Variants in CHM observed in about 807,000 individuals in gnomAD.
CHM encodes the protein CHM Rab escort protein, also known as rab proteins geranylgeranyltransferase component A 1.
CHM carries 10 observed loss-of-function variants against 49.0 expected under a neutral mutation model. The ratio of observed to expected loss-of-function variants is 0.20; its 90% CI spans 0.13 to 0.35. The LOEUF (loss-of-function observed/expected upper bound fraction) is 0.35, where lower values mean the gene tolerates loss of function less well. Among genes scored for constraint, CHM ranks in the 10% least tolerant of loss-of-function variants. The probability of loss-of-function intolerance (pLI) is 1.00; values close to 1 mark genes in which losing one functional copy is unlikely to be tolerated. For missense variants in CHM, 455 were observed against 478.4 expected, an observed-to-expected ratio of 0.95 and a Z score of 0.46; for synonymous variants, 184 against 167.5, an observed-to-expected ratio of 1.10 and a Z score of -0.76.
intron 2 of CHM, among the ~76,000 whole-genome samples, chrX:86,014,875 T>C (rs1374542718): frequency 9.1e-6 from 1 of 109,858 alleles, no homozygotes; most frequent in Non-Finnish European, 1.9e-5. Flanking sequence ...AAGGCAAATC[T>C]AGATAAGCAT....
intron 11 of CHM, among the ~76,000 whole-genome samples, chrX:85,899,598 AT>A (rs907538699): frequency 2.0e-3 from 219 of 109,640 alleles, no homozygotes; most frequent in African/African-American, 7.1e-3. Context: ...GCCATCATGT[AT>A]TTTTTTAAAA....
chrX:86,012,001 G>A (rs986305446), intron 2 of CHM, among the ~76,000 whole-genome samples: 3 of 112,150 alleles, frequency 2.7e-5, no homozygotes, highest in Non-Finnish European at 5.6e-5. Context: ...CTACAGAACT[G>A]TAAAAGAATA....
At chrX:85,864,854 G>A in intron 14 of CHM, 33 bp from the exon 15 acceptor site, 1 of 1,153,609 alleles carries the variant, frequency 8.7e-7, no homozygotes. Flanking sequence ...AATCGTTTTT[G>A]GAAATCGGTT....
At chrX:85,920,348 A>G (rs1366131355) in intron 8 of CHM, among the ~76,000 whole-genome samples, 4 of 111,396 alleles carry the variant, frequency 3.6e-5, no homozygotes, top group Non-Finnish European at 5.7e-5. Flanking sequence ...CGCCCGCCTC[A>G]GCTTCCCAAA....
At chrX:86,030,928 T>C (rs1214975475) in intron 1 of CHM, among the ~76,000 whole-genome samples, 1 of 110,915 alleles carries the variant, frequency 9.0e-6, no homozygotes, top group Non-Finnish European at 1.9e-5. Flanking sequence ...CAGTACTTCA[T>C]TACTTTTTTT....
rs1930869761 is a variant in CHM at position 85,971,034 on chromosome X, A to G, written c.315-6982T>C. The stretch of plus-strand genomic sequence containing the variant: ...AATAATACTTCAGAATACTTTTTAA[A>G]TAAGTCATGGTAATCAAAAAATAAC... On this transcript the variant is annotated intron_variant, in intron 4 of 14. Transcript: ENST00000357749. The G allele has an allele frequency of 7.8e-6, 5 of 637,375 alleles. 1 individual carries two copies. The South Asian group carries it at 4.1e-4, about 52-fold the overall frequency. 52.5% of individuals were successfully genotyped at this position (637,375 alleles called of 1,213,427 possible). A position where few individuals can be genotyped will look rare whatever the true frequency, so the allele number is the denominator to read the frequency against.
intron 14 of CHM, among the ~76,000 whole-genome samples, chrX:85,870,658 T>C (rs772786767): frequency 1.8e-5 from 2 of 112,040 alleles, no homozygotes; most frequent in Non-Finnish European, 3.8e-5. Context: ...ATCAGTACGT[T>C]TGGGTAAATG....
At chrX:85,917,824 A>T (rs1231480569) in intron 8 of CHM, among the ~76,000 whole-genome samples, 1 of 110,996 alleles carries the variant, frequency 9.0e-6, no homozygotes, top group Non-Finnish European at 1.9e-5. Flanking sequence ...AAACCTCAGA[A>T]TTTGAGGAGT....
chrX:85,905,532 T>C (rs1432025234), intron 9 of CHM, among the ~76,000 whole-genome samples: 3 of 111,503 alleles, frequency 2.7e-5, no homozygotes, highest in East Asian at 2.8e-4. Flanking sequence ...AAGATAAGGA[T>C]AGGGAATTAC....
intron 4 of CHM, chrX:85,971,176 G>A (rs1930878955): frequency 1.3e-6 from 1 of 752,551 alleles, no homozygotes; most frequent in Admixed American, 8.7e-5. Context: ...TCCAAGCAGT[G>A]GTAATGGGTT....
chrX:85,949,933 A>C (rs950097286), intron 8 of CHM, among the ~76,000 whole-genome samples: 12 of 95,587 alleles, frequency 1.3e-4, no homozygotes, highest in African/African-American at 4.6e-4. Flanking sequence ...TACAATACAA[A>C]CCCTAACCTG....
At chrX:85,884,538 A>T (rs1005008298) in intron 12 of CHM, among the ~76,000 whole-genome samples, 2 of 111,310 alleles carry the variant, frequency 1.8e-5, no homozygotes, top group African/African-American at 6.5e-5. Context: ...ACTATAAGGT[A>T]GTATGTTAAT....
intron 8 of CHM, among the ~76,000 whole-genome samples, chrX:85,913,339 AGAAAG>A (rs1927214449): frequency 1.4e-5 from 1 of 73,529 alleles, no homozygotes; most frequent in African/African-American, 4.9e-5. Flanking sequence ...AAAAAAAGAA[AGAAAG>A]AAAGAAAGAA....
Position 85,911,245 on chromosome X carries a change from C to G in CHM, c.1244+16G>C. On this transcript the variant is annotated intron_variant, in intron 9 of 14. Coordinates refer to ENST00000357749, the MANE Select transcript of CHM (RefSeq NM_000390.4). ...TATATATATATATATATGAAGGTTA[C>G]TTATATCATCCTTACTTTCTGGATT... The G allele has an allele frequency of 1.8e-6, 1 of 549,440 alleles. No homozygotes were observed. Among genetic ancestry groups the G allele is most frequent in the Non-Finnish European group, 2.5e-6 (1 of 404,033 alleles). The allele number at this position is 549,440 out of a possible 1,213,427, so 45.3% of individuals were successfully genotyped here. A position where few individuals can be genotyped will look rare whatever the true frequency, so the allele number is the denominator to read the frequency against.
intron 12 of CHM, among the ~76,000 whole-genome samples, chrX:85,887,174 C>T (rs1925136751): frequency 9.1e-6 from 1 of 109,875 alleles, no homozygotes; most frequent in Admixed American, 9.8e-5. Flanking sequence ...TGGCTGTGTC[C>T]CCACTCAAAT....
chrX:85,961,136 C>G (rs1930272427), intron 5 of CHM, among the ~76,000 whole-genome samples: 1 of 110,927 alleles, frequency 9.0e-6, no homozygotes, highest in Non-Finnish European at 1.9e-5. Context: ...AGAGGTAGGT[C>G]TTTGGACGAG....
At position 85,949,978 on chromosome X, in the gene CHM, A is replaced by AATATATATATATATATATATATAT. The variant is rs200318878; in HGVS notation, c.1166+6151_1166+6174dup. Among the ~76,000 whole-genome samples, 233 of 42,623 alleles carry AATATATATATATATATATATATAT rather than the reference A, an allele frequency of 5.5e-3. 16 individuals are homozygous for AATATATATATATATATATATATAT. Among genetic ancestry groups the AATATATATATATATATATATATAT allele is most frequent in the Middle Eastern group, 0.018 (1 of 55 alleles). The allele number at this position is 42,623 out of a possible 115,157, so 37.0% of individuals were successfully genotyped here. The stretch of plus-strand genomic sequence containing the variant: ...CTTTGAGCAATAAACACTGAAATTA[A>AATATATATATATATATATATATAT]ATATATATATATATATATATATATA... On this transcript the variant is annotated intron_variant, in intron 8 of 14. Coordinates refer to ENST00000357749, the MANE Select transcript of CHM (RefSeq NM_000390.4).
chrX:85,864,685 G>A lies in CHM; in HGVS notation c.1907C>T (p.Ser636Leu), dbSNP rs1181669285. 6.6e-6 allele frequency: 8 copies of A among 1,207,834 alleles called. No individual in the cohort carries two copies. The highest frequency in any genetic ancestry group is 1.8e-5 in the South Asian group (1 of 56,461). The change falls in exon 15 of 15, where the codon TCG becomes TTG. Residue 636 changes from serine (S) to leucine (L), a missense_variant. By Grantham distance (145) the Ser-to-Leu change is moderately radical (BLOSUM62 -2). Coordinates refer to ENST00000357749, the MANE Select transcript of CHM (RefSeq NM_000390.4). ...GTTTGTGCTTTCCTTGAAAGTCTCC[G>A]AGTTAGCCTCTGGTATGGCACTGGA... ...SESSAIPEAN[S>L]ETFKESTNLG...
chrX:86,020,980 C>T (rs1188979213), intron 2 of CHM, among the ~76,000 whole-genome samples: 1 of 98,724 alleles, frequency 1.0e-5, no homozygotes, highest in African/African-American at 3.7e-5. Flanking sequence ...TGTATATATA[C>T]ATCTGAATCC....
Sources: allele counts gnomAD v4.1 joint callset (sites outside exome capture counted in the v4.1 genomes callset), GRCh38; gene constraint gnomAD v4.1.1; transcripts MANE v1.5; gene names NCBI Gene and HGNC (gene_info 2026-07-23, HGNC 2026-07-21).